KIF1B: variants seen among roughly 807,000 people sequenced by gnomAD.
KIF1B encodes the protein kinesin family member 1B.
In KIF1B, 76 loss-of-function variants were observed where a neutral mutation model predicts 241.9. That is an observed-to-expected ratio of 0.31 (90% confidence interval 0.26 to 0.38). KIF1B has a LOEUF of 0.38. Ranked by LOEUF, KIF1B falls within the 10% of genes least tolerant of loss-of-function variation. KIF1B has a pLI of 1.00. For missense variants in KIF1B, 1,622 were observed against 2,271.4 expected (o/e 0.71, Z 5.81); for synonymous variants, 750 against 796.7 (o/e 0.94, Z 0.99).
In KIF1B at chr1:10,365,005, CAAAAAA is replaced by C; in HGVS notation, c.4367-84_4367-79del. 2.3e-6 allele frequency: 2 copies of C among 852,036 alleles called. No homozygotes were observed. The highest frequency in any genetic ancestry group is 3.3e-6 in the Non-Finnish European group (2 of 601,818). The allele number at this position is 852,036 out of a possible 1,614,324, so 52.8% of individuals were successfully genotyped here. On this transcript the variant is annotated intron_variant, in intron 41 of 48. Transcript: ENST00000676179. The surrounding 1 kb of genome is among the most constrained non-coding windows in gnomAD (Gnocchi z 4.0). Reference sequence around the variant, plus strand: ...TGGGCAACAGAGCGAGACTCCATCTCAAAAAAAAAAAAAAAAGAATTATTAATTCGT... The same window carrying C: ...TGGGCAACAGAGCGAGACTCCATCTCAAAAAAAAAAGAATTATTAATTCGT...
chr1:10,331,427 C>G (rs1262143954), intron 27 of KIF1B, among the ~76,000 whole-genome samples: 4 of 152,230 alleles, frequency 2.6e-5, no homozygotes, highest in African/African-American at 9.6e-5. Context: ...GCATTTCTCT[C>G]TCTCCTGCTT....
At chr1:10,265,874 A>G (rs1461439531) in intron 5 of KIF1B, among the ~76,000 whole-genome samples, 1 of 152,158 alleles carries the variant, frequency 6.6e-6, no homozygotes, top group Admixed American at 6.5e-5. Context: ...AATAAAATAC[A>G]GTATAAAAAT....
chr1:10,267,383 A>G lies in KIF1B; in HGVS notation c.433A>G (p.Ser145Gly), dbSNP rs755264775. 1 of 1,613,942 alleles carries G rather than the reference A, an allele frequency of 6.2e-7. No individual in the cohort carries two copies. The highest frequency in any genetic ancestry group is 8.5e-7 in the Non-Finnish European group (1 of 1,179,826). The change falls in exon 6 of 49, where the codon AGC becomes GGC. Residue 145 changes from serine (S) to glycine (G), a missense_variant. Ser to Gly is a moderately conservative substitution (Grantham distance 56). Transcript: ENST00000676179. ...NEEMSYSVEVSYMEIYCERVR... is the reference protein window; with the variant it reads ...NEEMSYSVEVGYMEIYCERVR... Reference sequence around the variant, plus strand: ...CACTTTACTAATTTGTTCATAGGTGAGCTACATGGAAATTTACTGTGAAAG... The same window carrying G: ...CACTTTACTAATTTGTTCATAGGTGGGCTACATGGAAATTTACTGTGAAAG...
chr1:10,218,156 C>T (rs182508660), intron 1 of KIF1B, among the ~76,000 whole-genome samples: 91 of 152,174 alleles, frequency 6.0e-4, no homozygotes, highest in African/African-American at 1.5e-3. Context: ...TTCCCACTTC[C>T]GTGCCAACCC....
intron 1 of KIF1B, among the ~76,000 whole-genome samples, chr1:10,230,055 G>A (rs1646960840): frequency 6.6e-6 from 1 of 152,002 alleles, no homozygotes; most frequent in East Asian, 1.9e-4. Context: ...TGTGCCTGTA[G>A]TCGCAGCTGT....
In KIF1B at chr1:10,261,980, GC is replaced by G; in HGVS notation, c.429+12del. ...GTCTTACTCTGTAGAGGTGAGTACAGCCGTGAGTTGACACCGTAAGCCCTTG... is the reference window on the plus strand; with the variant it reads ...GTCTTACTCTGTAGAGGTGAGTACAGCGTGAGTTGACACCGTAAGCCCTTG... On this transcript the variant is annotated intron_variant, in intron 5 of 48. Transcript: ENST00000676179. The G allele has an allele frequency of 1.9e-6, 3 of 1,593,042 alleles. 1 individual carries two copies. The South Asian group carries it at 3.3e-5, about 18-fold the overall frequency.
rs181603325 is a variant in KIF1B at position 10,226,004 on chromosome 1, A to C, written c.-79-6246A>C. Among the ~76,000 whole-genome samples, 176 of 152,278 alleles carry C rather than the reference A, an allele frequency of 1.2e-3. 1 individual carries two copies. The highest frequency in any genetic ancestry group is 3.4e-3 in the Middle Eastern group (1 of 294). On this transcript the variant is annotated intron_variant, in intron 1 of 48. Transcript: ENST00000676179. ...TTGGATAACTGTGGTAAAGATAATA[A>C]AAAATATTTTTAAAAAAGAAAATGG...
chr1:10,324,936 ATTAG>A (rs1434002200), intron 26 of KIF1B, 41 bp downstream of exon 26: 1 of 1,610,124 alleles, frequency 6.2e-7, no homozygotes, highest in South Asian at 1.1e-5. Flanking sequence ...TAAAATAATG[ATTAG>A]TTTTAAGTGT....
chr1:10,306,204 T>C, intron 22 of KIF1B: 1 of 1,039,654 alleles, frequency 9.6e-7, no homozygotes, highest in Non-Finnish European at 1.2e-6. Context: ...TTTGCTTTCA[T>C]AGCTAGAACA....
chr1:10,293,346 A>G (rs1417809139), intron 17 of KIF1B, among the ~76,000 whole-genome samples: 2 of 151,942 alleles, frequency 1.3e-5, no homozygotes, highest in Admixed American at 1.3e-4. Flanking sequence ...GCATATGTCT[A>G]ATAAAGGTAT....
intron 1 of KIF1B, among the ~76,000 whole-genome samples, chr1:10,223,431 G>T (rs905424635): frequency 6.6e-6 from 1 of 152,008 alleles, no homozygotes; most frequent in Non-Finnish European, 1.5e-5. Flanking sequence ...TAGTAGTAGA[G>T]AAGTGACAGA....
chr1:10,325,976 C>T (rs1651706960), intron 26 of KIF1B, 135 bp from the exon 27 acceptor site: 1 of 1,185,354 alleles, frequency 8.4e-7, no homozygotes, highest in Non-Finnish European at 1.2e-6. Context: ...CTTATTTTAT[C>T]CTTTTGCTTT....
Position 10,336,705 on chromosome 1 carries a change from C to T in KIF1B, c.3092C>T (p.Thr1031Ile). Residue 1031 changes from threonine (T) to isoleucine (I), a missense_variant, in exon 29 of 49, where the codon ACA becomes ATA. Thr to Ile is a moderately conservative substitution (Grantham distance 89). Around this residue, in one of 7 missense-constraint regions of KIF1B, gnomAD observed 803 missense variants for 1,112.0 expected, o/e 0.72. Coordinates refer to ENST00000676179, the MANE Select transcript of KIF1B (RefSeq NM_001365951.3). ...GGCTCTGGAATTCGACAGTCAGGAACAGCTAAAATATCTTTTGATAATGAA... is the reference window on the plus strand; with the variant it reads ...GGCTCTGGAATTCGACAGTCAGGAATAGCTAAAATATCTTTTGATAATGAA... ...DYGSGIRQSG[T>I]AKISFDNEYF... 1.9e-6 allele frequency: 3 copies of T among 1,613,916 alleles called. No homozygotes were observed. The highest frequency in any genetic ancestry group is 2.5e-6 in the Non-Finnish European group (3 of 1,179,896).
At chr1:10,236,168 A>T (rs1647048879) in intron 2 of KIF1B, among the ~76,000 whole-genome samples, 1 of 151,952 alleles carries the variant, frequency 6.6e-6, no homozygotes, top group Non-Finnish European at 1.5e-5. Context: ...GCTACTCAGG[A>T]GGCTGAGGCA....
chr1:10,313,067 G>GT (rs767857493), intron 22 of KIF1B, among the ~76,000 whole-genome samples: 1 of 150,950 alleles, frequency 6.6e-6, no homozygotes. Context: ...GTTTTGTTTT[G>GT]TTTTTTGTTT....
At chr1:10,258,372 A>T (rs1203623307) in intron 3 of KIF1B, 121 bp from the exon 4 acceptor site, 111 of 1,003,650 alleles carry the variant, frequency 1.1e-4, no homozygotes, top group Non-Finnish European at 1.5e-4. Context: ...GGCTTAAAAA[A>T]TGTGTAGGGA....
At chr1:10,221,190 G>A (rs572317761) in intron 1 of KIF1B, among the ~76,000 whole-genome samples, 2 of 130,784 alleles carry the variant, frequency 1.5e-5, no homozygotes, top group African/African-American at 2.9e-5. Flanking sequence ...CTCCACCTCC[G>A]AGGTTCAAGC....
At chr1:10,273,820 A>G (rs994707962) in intron 10 of KIF1B, among the ~76,000 whole-genome samples, 1 of 151,346 alleles carries the variant, frequency 6.6e-6, no homozygotes, top group African/African-American at 2.4e-5. Context: ...TGCTTGTGCA[A>G]TAGTAGGATC....
At chr1:10,262,011 C>G in intron 5 of KIF1B, 41 bp downstream of exon 5, 2 of 1,347,020 alleles carry the variant, frequency 1.5e-6, no homozygotes, top group Non-Finnish European at 2.1e-6. Context: ...CCCTTGTTTT[C>G]CATTCTCTCA....
Sources: gnomAD v4.1 joint callset for allele counts (sites outside exome capture counted in the v4.1 genomes callset) on GRCh38, gnomAD v4.1.1 for gene constraint, gnomAD v4.1.1 regional missense constraint, Gnocchi (gnomAD v3.1) non-coding constraint, MANE v1.5 for transcripts, NCBI Gene and HGNC (gene_info 2026-07-23, HGNC 2026-07-21) for gene names.